Variants in PACSIN3 observed in about 807,000 individuals in gnomAD.
The protein encoded by PACSIN3 is protein kinase C and casein kinase substrate in neurons 3.
In PACSIN3, 34 loss-of-function variants were observed where a neutral mutation model predicts 56.1. That is an observed-to-expected ratio of 0.61 (90% CI 0.46 to 0.81). The LOEUF is 0.81. Among genes scored for constraint, PACSIN3 ranks in the 30% least tolerant of loss-of-function variants. PACSIN3 has a pLI of 0.00. For missense variants in PACSIN3, 535 were observed against 592.4 expected (o/e 0.90, Z 1.01); for synonymous variants, 218 against 229.8 (o/e 0.95, Z 0.46).
chr11:47,180,044 A>T, intron 6 of PACSIN3, 142 bp downstream of exon 6: 1 of 777,764 alleles, frequency 1.3e-6, no homozygotes, highest in Non-Finnish European at 2.1e-6. Context: ...TTCCTCCTTT[A>T]AATGATCATC....
rs1267192229 is a variant in PACSIN3 at position 47,177,882 on chromosome 11, G to A, written c.*49C>T. On this transcript the variant is annotated 3_prime_UTR_variant, in exon 11 of 11. Coordinates refer to ENST00000298838, the MANE Select transcript of PACSIN3 (RefSeq NM_016223.5). The stretch of plus-strand genomic sequence containing the variant: ...AGGGTCCGGCTCTCCAGGAGAAGCT[G>A]GGCTCTGAACCAGGGTGGGTAAACG... 7.0e-7 allele frequency: 1 copy of A among 1,421,356 alleles called. No individual in the cohort carries two copies. The highest frequency in any genetic ancestry group is 1.0e-6 in the Non-Finnish European group (1 of 1,004,922). 88.0% of individuals were successfully genotyped at this position (1,421,356 alleles called of 1,614,324 possible).
intron 1 of PACSIN3, chr11:47,185,220 G>A: frequency 6.6e-6 from 1 of 152,400 alleles, no homozygotes; most frequent in Non-Finnish European, 1.5e-5. Flanking sequence ...AGCTGCACGG[G>A]CCAAGGTAGG....
At position 47,179,650 on chromosome 11, in the gene PACSIN3, T is replaced by TC; in HGVS notation, c.604-65_604-64insG. The TC allele has an allele frequency of 3.9e-6, 6 of 1,525,318 alleles. No individual in the cohort carries two copies. The highest frequency in any genetic ancestry group is 5.4e-6 in the Non-Finnish European group (6 of 1,119,544). The allele number at this position is 1,525,318 out of a possible 1,614,324, so 94.5% of individuals were successfully genotyped here. On this transcript the variant is annotated intron_variant, in intron 6 of 10. Transcript: ENST00000298838. The surrounding 1 kb of genome is among the most constrained non-coding windows in gnomAD (Gnocchi z 4.4). ...TCTTCCACCCAGGACTCCACCAGTG[T>TC]TTACCAGACACTGCCATAGGCTGCT...
In PACSIN3 at chr11:47,182,492, C is replaced by T. The variant is rs1462839268; in HGVS notation, c.122G>A (p.Ser41Asn). 6.2e-7 allele frequency: 1 copy of T among 1,611,364 alleles called. No homozygotes were observed. Among genetic ancestry groups the T allele is most frequent in the Non-Finnish European group, 8.5e-7 (1 of 1,179,974 alleles). ...DGHRLCGDLV[S>N]CFQERARIEK... ...GATGCGGGCGCGCTCCTGGAAGCAG[C>T]TGACCAGGTCCCCGCACAGCCGGTG... Residue 41 changes from serine to asparagine, a missense_variant, in exon 4 of 11, where the codon AGC becomes AAC. Coordinates refer to ENST00000298838, the MANE Select transcript of PACSIN3 (RefSeq NM_016223.5).
At chr11:47,184,689 G>A (rs1036329735) in intron 1 of PACSIN3, among the ~76,000 whole-genome samples, 2 of 152,200 alleles carry the variant, frequency 1.3e-5, no homozygotes, top group Non-Finnish European at 2.9e-5. Flanking sequence ...TCACAAGCTC[G>A]TCACTTGGTT....
chr11:47,183,675 A>T (rs539671829), intron 1 of PACSIN3, among the ~76,000 whole-genome samples: 2 of 152,242 alleles, frequency 1.3e-5, no homozygotes, highest in South Asian at 4.1e-4. Flanking sequence ...TGCCCTCCAA[A>T]GGCCTGGCGT....
chr11:47,179,172 C>G lies in PACSIN3; in HGVS notation c.887G>C (p.Trp296Ser), dbSNP rs1303518440. ...STHGPGMAMN[W>S]PQFEEWSLDT... ...TGGAACACATGCCTCGAACTGTGGC[C>G]AGTTCATGGCCATGCCTGGCCCGTG... The change falls in exon 8 of 11, where the codon TGG becomes TCG. Residue 296 changes from tryptophan to serine, a missense_variant. Physicochemically the swap from Trp to Ser is radical, Grantham distance 177. Coordinates refer to ENST00000298838, the MANE Select transcript of PACSIN3 (RefSeq NM_016223.5). This position sits in a 1 kb window ranked among gnomAD's most constrained non-coding sequence, Gnocchi z 4.4. 1.9e-6 allele frequency: 3 copies of G among 1,613,838 alleles called. No individual in the cohort carries two copies. Among genetic ancestry groups the G allele is most frequent in the East Asian group, 2.2e-5 (1 of 44,884 alleles).
intron 4 of PACSIN3, 103 bp downstream of exon 4, chr11:47,182,300 G>GT: frequency 9.0e-7 from 1 of 1,105,980 alleles, no homozygotes; most frequent in Non-Finnish European, 1.3e-6. Flanking sequence ...CTAAGGGAGG[G>GT]TAGACGTGGA....
chr11:47,178,024 A>G lies in PACSIN3; in HGVS notation c.1182T>C (p.Ser394=). 2 of 1,613,728 alleles carry G rather than the reference A, an allele frequency of 1.2e-6. No homozygotes were observed. The highest frequency in any genetic ancestry group is 1.7e-6 in the Non-Finnish European group (2 of 1,179,838). ...FRAGEELLKM[S]EEDEQGWCQG... ...GGCACCAGCCCTGCTCGTCCTCCTC[A>G]CTCATCTTCAGCAGCTCCTCCCCTG... The change falls in exon 11 of 11, where the codon AGT becomes AGC. Residue 394 remains serine, a synonymous_variant. Transcript: ENST00000298838. This position sits in a 1 kb window ranked among gnomAD's most constrained non-coding sequence, Gnocchi z 4.2.
chr11:47,182,392 G>T lies in PACSIN3; in HGVS notation c.211+11C>A. ...CAGCTGCCCTCTGCCCCCTGCGAGG[G>T]CCTGGCTCACCCTTCTCCACGGTCC... On this transcript the variant is annotated intron_variant, in intron 4 of 10. Coordinates refer to ENST00000298838, the MANE Select transcript of PACSIN3 (RefSeq NM_016223.5). The T allele has an allele frequency of 6.3e-7, 1 of 1,590,484 alleles. No homozygotes were observed. The highest frequency in any genetic ancestry group is 1.7e-5 in the Admixed American group (1 of 59,768).
rs202116595 is a variant in PACSIN3 at position 47,180,155 on chromosome 11, G to A, written c.603+31C>T. ...TCATTCAGGAAGCCGTGCCCTGGGC[G>A]GGGGCCAGGGCTGGGACCTGTGGCC... On this transcript the variant is annotated intron_variant, in intron 6 of 10. Coordinates refer to ENST00000298838, the MANE Select transcript of PACSIN3 (RefSeq NM_016223.5). 1.3e-4 allele frequency: 202 copies of A among 1,580,470 alleles called. 2 individuals are homozygous for A. In the South Asian group the frequency reaches 1.6e-3, roughly 12 times the overall value.
chr11:47,180,371 T>C, intron 5 of PACSIN3, 30 bp from the exon 6 acceptor site: 6 of 1,600,860 alleles, frequency 3.7e-6, no homozygotes, highest in Non-Finnish European at 5.1e-6. Context: ...CTCTGGACCC[T>C]GGATGCCACA....
Position 47,178,532 on chromosome 11 carries a change from C to T in PACSIN3, c.1038-45G>A, listed in dbSNP as rs777984608. The T allele has an allele frequency of 8.1e-6, 13 of 1,598,878 alleles. No homozygotes were observed. The East Asian group carries it at 9.0e-5, about 11-fold the overall frequency. ...GGAGCAGCTCAGAGTGCAAGGAACA[C>T]GGGGCTGGAGATCTCACCCAGGATC... On this transcript the variant is annotated intron_variant, in intron 9 of 10. Transcript: ENST00000298838. The surrounding 1 kb of genome is among the most constrained non-coding windows in gnomAD (Gnocchi z 4.2).
chr11:47,180,088 T>C (rs1459719370), intron 6 of PACSIN3, 98 bp downstream of exon 6: 20 of 1,123,906 alleles, frequency 1.8e-5, no homozygotes, highest in Non-Finnish European at 2.5e-5. Context: ...AATAGGGTAA[T>C]AAGGGTGCTG....
intron 4 of PACSIN3, 66 bp from the exon 5 acceptor site, chr11:47,180,756 C>T (rs1953007793): frequency 1.5e-6 from 2 of 1,350,048 alleles, no homozygotes; most frequent in Admixed American, 4.3e-5. Flanking sequence ...GCCCCTCTCA[C>T]TGGGTGTGAG....
Position 47,182,993 on chromosome 11 carries a change from C to A in PACSIN3, c.-38+11G>T. The A allele has an allele frequency of 2.4e-6, 1 of 421,854 alleles. No homozygotes were observed. The highest frequency in any genetic ancestry group is 4.2e-6 in the Non-Finnish European group (1 of 239,420). 26.1% of individuals were successfully genotyped at this position (421,854 alleles called of 1,614,324 possible). On this transcript the variant is annotated intron_variant, in intron 2 of 10. Transcript: ENST00000298838. Reference sequence around the variant, plus strand: ...ACTGCTCTGCACTTCCCCCCCCGCCCCCCCACATACCTGGGGCCTAGAGAT... The same window carrying A: ...ACTGCTCTGCACTTCCCCCCCCGCCACCCCACATACCTGGGGCCTAGAGAT...
rs752860884 is a variant in PACSIN3, at chr11:47,180,175, G to A, written c.603+11C>T. 16 of 1,600,744 alleles carry A rather than the reference G, an allele frequency of 1.0e-5. No individual in the cohort carries two copies. Among genetic ancestry groups the A allele is most frequent in the Non-Finnish European group, 1.3e-5 (15 of 1,179,246 alleles). On this transcript the variant is annotated intron_variant, in intron 6 of 10. Coordinates refer to ENST00000298838, the MANE Select transcript of PACSIN3 (RefSeq NM_016223.5). Reference sequence around the variant, plus strand: ...TGGGCGGGGGCCAGGGCTGGGACCTGTGGCCTGTACCTTCTCGGCCTCCTT... The same window carrying A: ...TGGGCGGGGGCCAGGGCTGGGACCTATGGCCTGTACCTTCTCGGCCTCCTT...
In PACSIN3 at chr11:47,178,333, G is replaced by C; in HGVS notation, c.1159+33C>G. The C allele has an allele frequency of 3.1e-6, 5 of 1,611,220 alleles. No individual in the cohort carries two copies. The highest frequency in any genetic ancestry group is 3.4e-6 in the Non-Finnish European group (4 of 1,178,520). On this transcript the variant is annotated intron_variant, in intron 10 of 10. Transcript: ENST00000298838. This position sits in a 1 kb window ranked among gnomAD's most constrained non-coding sequence, Gnocchi z 4.2. Reference sequence around the variant, plus strand: ...CACCCCTGCTCAGGCAGATAAGGCAGAGGCTGAAGCTAGGAAAGGGGTCCC... The same window carrying C: ...CACCCCTGCTCAGGCAGATAAGGCACAGGCTGAAGCTAGGAAAGGGGTCCC...
Position 47,179,675 on chromosome 11 carries a change from T to TAGACCCAGGGCTAGCCACTAGGGGCAATC in PACSIN3, c.604-118_604-90dup. On this transcript the variant is annotated intron_variant, in intron 6 of 10. Coordinates refer to ENST00000298838, the MANE Select transcript of PACSIN3 (RefSeq NM_016223.5). The surrounding 1 kb of genome is among the most constrained non-coding windows in gnomAD (Gnocchi z 4.4). ...TTTACCAGACACTGCCATAGGCTGC[T>TAGACCCAGGGCTAGCCACTAGGGGCAATC]AGACCCAGGGCTAGCCACTAGGGGC... The TAGACCCAGGGCTAGCCACTAGGGGCAATC allele has an allele frequency of 1.5e-6, 2 of 1,349,520 alleles. No homozygotes were observed. The highest frequency in any genetic ancestry group is 2.0e-6 in the Non-Finnish European group (2 of 986,038). The allele number at this position is 1,349,520 out of a possible 1,614,324, so 83.6% of individuals were successfully genotyped here.
Sources: allele counts gnomAD v4.1 joint callset (sites outside exome capture counted in the v4.1 genomes callset), GRCh38; gene constraint gnomAD v4.1.1; non-coding constraint Gnocchi (gnomAD v3.1); transcripts MANE v1.5; gene names NCBI Gene and HGNC (gene_info 2026-07-23, HGNC 2026-07-21).